Variants in ADD3 observed in about 807,000 individuals in gnomAD.
ADD3 encodes the protein adducin 3, also known as gamma-adducin.
A neutral mutation model predicts 80.2 loss-of-function variants in ADD3; 25 were observed. That is an observed-to-expected ratio of 0.31 (90% CI 0.23 to 0.44). The LOEUF is 0.44. Ranked by LOEUF, ADD3 falls within the 20% of genes least tolerant of loss-of-function variation. The pLI, the probability that ADD3 is intolerant of heterozygous loss-of-function variation, is 1.00. For synonymous variants in ADD3, 284 were observed against 289.6 expected, an observed-to-expected ratio of 0.98 and a Z score of 0.20; for missense variants, 829 against 847.5, an observed-to-expected ratio of 0.98 and a Z score of 0.27.
In ADD3 at chr10:110,047,362, A is replaced by G. The variant is rs148970756; in HGVS notation, c.-30+39063A>G. ...TAGTTGGAGACTTGGCTTCTAGTCT[A>G]TGACTTTGGGCAAGTCACTTGGCTC... On this transcript the variant is annotated intron_variant, in intron 1 of 14. Transcript: ENST00000356080. Among the ~76,000 whole-genome samples the G allele has an allele frequency of 5.4e-3, 818 of 152,308 alleles. 6 individuals are homozygous for G. Among genetic ancestry groups the G allele is most frequent in the African/African-American group, 0.019 (782 of 41,558 alleles).
rs1182759328 is a variant in ADD3, at chr10:110,117,239, TC to T, written c.487-101del. On this transcript the variant is annotated intron_variant, in intron 4 of 14. Coordinates refer to ENST00000356080, the MANE Select transcript of ADD3 (RefSeq NM_016824.5). ...ATTTTTGCTTTGTTGGTTTTTTTTT[TC>T]CTGATCTCTTACAATTATTCATTGT... 8.4e-6 allele frequency: 5 copies of T among 598,308 alleles called. No homozygotes were observed. In the South Asian group the frequency reaches 9.8e-5, roughly 12 times the overall value. 37.1% of individuals were successfully genotyped at this position (598,308 alleles called of 1,614,324 possible). A position where few individuals can be genotyped will look rare whatever the true frequency, so the allele number is the denominator to read the frequency against.
chr10:110,074,543 C>G (rs1046777304), intron 1 of ADD3, among the ~76,000 whole-genome samples: 1 of 150,488 alleles, frequency 6.6e-6, no homozygotes, highest in Non-Finnish European at 1.5e-5. Flanking sequence ...GCCCTTAGGA[C>G]AATGAATTCA....
At chr10:110,020,367 G>A (rs1348120318) in intron 1 of ADD3, among the ~76,000 whole-genome samples, 1 of 152,134 alleles carries the variant, frequency 6.6e-6, no homozygotes, top group Non-Finnish European at 1.5e-5. Context: ...GAGCAGGGAA[G>A]GGAAACTAAG....
In ADD3 at chr10:110,134,860, C is replaced by G. The variant is rs544747011; in HGVS notation, c.*1242C>G. On this transcript the variant is annotated 3_prime_UTR_variant, in exon 15 of 15. Coordinates refer to ENST00000356080, the MANE Select transcript of ADD3 (RefSeq NM_016824.5). Reference sequence around the variant, plus strand: ...GCAGCACTAGAAGAAATCAGCAGGTCTAATCCCACCAGTAAGAAAACTACC... The same window carrying G: ...GCAGCACTAGAAGAAATCAGCAGGTGTAATCCCACCAGTAAGAAAACTACC... 3.1e-4 allele frequency: 47 copies of G among 152,716 alleles called. No homozygotes were observed. Among genetic ancestry groups the G allele is most frequent in the African/African-American group, 1.1e-3 (46 of 41,560 alleles). The allele number at this position is 152,716 out of a possible 1,614,324, so 9.5% of individuals were successfully genotyped here.
At chr10:110,095,689 G>A (rs1848068962) in intron 1 of ADD3, among the ~76,000 whole-genome samples, 1 of 152,128 alleles carries the variant, frequency 6.6e-6, no homozygotes, top group African/African-American at 2.4e-5. Context: ...TTTTATAATA[G>A]TCAAAGACGA....
At chr10:110,086,272 T>C (rs1366178588) in intron 1 of ADD3, among the ~76,000 whole-genome samples, 1 of 151,970 alleles carries the variant, frequency 6.6e-6, no homozygotes, top group East Asian at 1.9e-4. Context: ...TACCTGGGCA[T>C]GGTGGCACGT....
At position 110,112,957 on chromosome 10, in the gene ADD3, T is replaced by C. The variant is rs367954711; in HGVS notation, c.334+42T>C. The C allele has an allele frequency of 5.3e-5, 84 of 1,594,560 alleles. No homozygotes were observed. In the African/African-American group the frequency reaches 1.0e-3, roughly 20 times the overall value. On this transcript the variant is annotated intron_variant, in intron 3 of 14. Coordinates refer to ENST00000356080, the MANE Select transcript of ADD3 (RefSeq NM_016824.5). ...GAGTTTTAAACATTATAATTTTACT[T>C]CCACTTTGGACCACTATACATCTCT...
At chr10:110,101,624 G>A (rs1268778162) in intron 2 of ADD3, among the ~76,000 whole-genome samples, 8 of 146,444 alleles carry the variant, frequency 5.5e-5, no homozygotes, top group African/African-American at 1.8e-4. Context: ...GCAACAGAGT[G>A]AGACCTTACC....
intron 13 of ADD3, among the ~76,000 whole-genome samples, chr10:110,131,750 A>G (rs1335106283): frequency 1.3e-5 from 2 of 152,174 alleles, no homozygotes; most frequent in Non-Finnish European, 2.9e-5. Flanking sequence ...ATCCCTCTTT[A>G]ATCTCTTGTT....
At chr10:110,129,458 T>G (rs1440944735) in intron 12 of ADD3, among the ~76,000 whole-genome samples, 4 of 152,114 alleles carry the variant, frequency 2.6e-5, no homozygotes, top group African/African-American at 7.2e-5. Context: ...CTAGTTTTTC[T>G]TTCTCAAGCC....
At chr10:110,020,452 A>T (rs1853538835) in intron 1 of ADD3, among the ~76,000 whole-genome samples, 1 of 152,202 alleles carries the variant, frequency 6.6e-6, no homozygotes, top group Non-Finnish European at 1.5e-5. Flanking sequence ...GACCTTGAAG[A>T]TGATGAGAGA....
intron 1 of ADD3, among the ~76,000 whole-genome samples, chr10:110,091,160 A>G (rs1847453652): frequency 6.6e-6 from 1 of 152,148 alleles, no homozygotes; most frequent in African/African-American, 2.4e-5. Flanking sequence ...CCACTTTGGT[A>G]TTGAGTATTG....
intron 1 of ADD3, among the ~76,000 whole-genome samples, chr10:110,039,501 T>C (rs1385441950): frequency 2.6e-5 from 4 of 152,172 alleles, no homozygotes; most frequent in Non-Finnish European, 2.9e-5. Flanking sequence ...ATTATGTATA[T>C]GAAAGTGAAG....
chr10:110,072,887 A>G (rs1054667941), intron 1 of ADD3, among the ~76,000 whole-genome samples: 25 of 152,286 alleles, frequency 1.6e-4, no homozygotes, highest in African/African-American at 5.8e-4. Flanking sequence ...GCTTCCTCCT[A>G]CATAGAACTC....
rs1246445271 is a variant in ADD3 at position 110,125,810 on chromosome 10, A to G, written c.1402-16A>G. 1 of 1,557,548 alleles carries G rather than the reference A, an allele frequency of 6.4e-7. No individual in the cohort carries two copies. Among genetic ancestry groups the G allele is most frequent in the South Asian group, 1.2e-5 (1 of 83,658 alleles). ...TTAACACAAAGCTTCATTTTAGAAA[A>G]TTTTTGATTCTTTAGTGGATGAAAG... On this transcript the variant is annotated splice_polypyrimidine_tract_variant and intron_variant, in intron 10 of 14. Transcript: ENST00000356080.
chr10:110,133,564 C>G lies in ADD3; in HGVS notation c.2067C>G (p.Phe689Leu). The change falls in exon 15 of 15, where the codon TTC becomes TTG. Residue 689 changes from phenylalanine to leucine, a missense_variant. Transcript: ENST00000356080. The part of the protein sequence containing the change: ...SKSPSKKKKK[F>L]RTPSFLKKNK... ...CGCCATCCAAGAAAAAGAAGAAATT[C>G]CGCACTCCTTCTTTTCTGAAAAAGA... The G allele has an allele frequency of 6.2e-7, 1 of 1,608,884 alleles. No individual in the cohort carries two copies. The highest frequency in any genetic ancestry group is 8.5e-7 in the Non-Finnish European group (1 of 1,178,328).
chr10:110,020,243 T>G (rs980717839), intron 1 of ADD3, among the ~76,000 whole-genome samples: 2 of 152,220 alleles, frequency 1.3e-5, no homozygotes, highest in African/African-American at 4.8e-5. Context: ...GTGCTGAGAA[T>G]TTGGCAGTAA....
At chr10:110,122,631 T>TC (rs1250968700) in intron 9 of ADD3, among the ~76,000 whole-genome samples, 3 of 150,904 alleles carry the variant, frequency 2.0e-5, no homozygotes, top group African/African-American at 7.3e-5. Context: ...TTTTATGAGT[T>TC]CAACTTTTTT....
rs1386916645 is a variant in ADD3 at position 110,122,176 on chromosome 10, G to T, written c.1027G>T (p.Ala343Ser). The change falls in exon 9 of 15, where the codon GCT (alanine) becomes TCT (serine). Residue 343 changes from alanine to serine, a missense_variant. Transcript: ENST00000356080. ...LHVLDFQKYK[A>S]FTYTVAASGG... ...TGTACTGGACTTTCAGAAGTATAAA[G>T]CTTTCACTTACACTGTAGCAGCGTC... 6.2e-7 allele frequency: 1 copy of T among 1,614,036 alleles called. No homozygotes were observed. Among genetic ancestry groups the T allele is most frequent in the South Asian group, 1.1e-5 (1 of 91,088 alleles).
Sources: gnomAD v4.1 joint callset for allele counts (sites outside exome capture counted in the v4.1 genomes callset) on GRCh38, gnomAD v4.1.1 for gene constraint, MANE v1.5 for transcripts, NCBI Gene and HGNC (gene_info 2026-07-23, HGNC 2026-07-21) for gene names.